CELF5: variants seen among roughly 807,000 people sequenced by gnomAD.
CELF5 encodes CUG-BP and ETR-3 like factor 5.
Under a neutral mutation model 54.9 loss-of-function variants are expected in CELF5, and 6 were observed. That is an observed-to-expected ratio of 0.11 (90% CI 0.06 to 0.22). CELF5 has a LOEUF of 0.22. CELF5 is among the 10% of genes least tolerant of loss of function. CELF5 has a pLI of 1.00. For missense variants in CELF5, 401 were observed against 678.6 expected (o/e 0.59, Z 4.54); for synonymous variants, 271 against 290.9 (o/e 0.93, Z 0.70).
At chr19:3,277,606 C>T (rs1248058119) in intron 4 of CELF5, among the ~76,000 whole-genome samples, 1 of 152,098 alleles carries the variant, frequency 6.6e-6, no homozygotes, top group Non-Finnish European at 1.5e-5. Flanking sequence ...AACATTCCAC[C>T]CCCTCCCTCC....
rs567563669 is a variant in CELF5, at chr19:3,251,190, A to G, written c.342+123A>G. 8.4e-5 allele frequency: 59 copies of G among 706,142 alleles called. No homozygotes were observed. The South Asian group carries it at 9.4e-4, about 11-fold the overall frequency. 43.7% of individuals were successfully genotyped at this position (706,142 alleles called of 1,614,324 possible). ...TGTGTCTCGGGACTCAGAAAGAGGT[A>G]TGAGGAGCAGAGGTATAGAAATCAT... On this transcript the variant is annotated intron_variant, in intron 2 of 12. Coordinates refer to ENST00000292672, the MANE Select transcript of CELF5 (RefSeq NM_021938.4).
chr19:3,236,643 G>A (rs1286519762), intron 1 of CELF5, among the ~76,000 whole-genome samples: 1 of 152,212 alleles, frequency 6.6e-6, no homozygotes, highest in African/African-American at 2.4e-5. Context: ...TAGGTGCTCA[G>A]GAATATTGAA....
intron 11 of CELF5, among the ~76,000 whole-genome samples, chr19:3,290,602 C>T (rs1292239557): frequency 1.4e-5 from 2 of 147,940 alleles, no homozygotes; most frequent in African/African-American, 2.5e-5. Flanking sequence ...CTCGCTCTGT[C>T]GCCCAGGCTG....
intron 1 of CELF5, among the ~76,000 whole-genome samples, chr19:3,240,655 T>C (rs4807429): frequency 0.15 from 23,261 of 151,628 alleles, 2,036 homozygotes; most frequent in East Asian, 0.24. Context: ...AAGCCTATGT[T>C]CCACACACCA....
chr19:3,248,918 C>CT (rs1568337919), intron 1 of CELF5, among the ~76,000 whole-genome samples: 2 of 139,466 alleles, frequency 1.4e-5, no homozygotes, highest in African/African-American at 2.8e-5. Context: ...TTCTTTCTTT[C>CT]TTTCTTTCTT....
At chr19:3,289,720 C>T (rs167519) in intron 10 of CELF5, among the ~76,000 whole-genome samples, 22,531 of 111,646 alleles carry the variant, frequency 0.2, 2,780 homozygotes, top group African/African-American at 0.38. Flanking sequence ...AAAAAATTAG[C>T]AACGCATGGT....
At chr19:3,250,095 C>T (rs1036113899) in intron 1 of CELF5, among the ~76,000 whole-genome samples, 4 of 152,210 alleles carry the variant, frequency 2.6e-5, no homozygotes, top group African/African-American at 7.2e-5. Flanking sequence ...CGACTGTCCC[C>T]TCCCAAAACA....
intron 2 of CELF5, among the ~76,000 whole-genome samples, chr19:3,251,798 C>A (rs1345370808): frequency 4.0e-5 from 6 of 151,732 alleles, no homozygotes; most frequent in Admixed American, 3.9e-4. Flanking sequence ...CCTCAGCCTC[C>A]CAAGTAGCTG....
intron 4 of CELF5, among the ~76,000 whole-genome samples, chr19:3,276,903 G>A (rs982275905): frequency 6.6e-6 from 1 of 152,118 alleles, no homozygotes; most frequent in African/African-American, 2.4e-5. Context: ...GCTTCTCCAC[G>A]GACAGAGTTA....
At chr19:3,293,149 G>A (rs2080378728) in intron 11 of CELF5, among the ~76,000 whole-genome samples, 170 bp from the exon 12 acceptor site, 1 of 152,168 alleles carries the variant, frequency 6.6e-6, no homozygotes, top group Non-Finnish European at 1.5e-5. Flanking sequence ...AGAGGTGTCA[G>A]AACAAAGCCA....
chr19:3,236,732 C>T (rs569505439), intron 1 of CELF5, among the ~76,000 whole-genome samples: 7 of 152,242 alleles, frequency 4.6e-5, no homozygotes, highest in African/African-American at 1.4e-4. Context: ...CGCCTACAAT[C>T]CCAGCACTTT....
At chr19:3,244,983 T>C (rs557073076) in intron 1 of CELF5, among the ~76,000 whole-genome samples, 2,012 of 148,866 alleles carry the variant, frequency 0.014, 21 homozygotes, top group South Asian at 0.027. Flanking sequence ...TGTGTGCATG[T>C]GTGGTGTGTA....
At chr19:3,241,464 G>A (rs893995870) in intron 1 of CELF5, among the ~76,000 whole-genome samples, 10 of 151,992 alleles carry the variant, frequency 6.6e-5, no homozygotes, top group Non-Finnish European at 1.2e-4. Flanking sequence ...TTGATCCCAG[G>A]TGGGACTTCC....
Position 3,281,428 on chromosome 19 carries a change from C to T in CELF5, c.750+83C>T, listed in dbSNP as rs2080151158. 2 of 1,454,592 alleles carry T rather than the reference C, an allele frequency of 1.4e-6. No individual in the cohort carries two copies. Among genetic ancestry groups the T allele is most frequent in the Non-Finnish European group, 1.9e-6 (2 of 1,069,824 alleles). 90.1% of individuals were successfully genotyped at this position (1,454,592 alleles called of 1,614,324 possible). On this transcript the variant is annotated intron_variant, in intron 6 of 12. Transcript: ENST00000292672. This position sits in a 1 kb window ranked among gnomAD's most constrained non-coding sequence, Gnocchi z 6.5. ...ACTCTCTGTCGGGCTCCTGCCTCTC[C>T]CTCCATCTCCCTGACTCAGGGTCCT...
chr19:3,255,332 G>A (rs2079709323), intron 2 of CELF5, among the ~76,000 whole-genome samples: 1 of 152,160 alleles, frequency 6.6e-6, no homozygotes. Context: ...TTACAGGCAT[G>A]AGCCACCACG....
At chr19:3,246,279 G>A (rs1036668632) in intron 1 of CELF5, among the ~76,000 whole-genome samples, 8 of 151,712 alleles carry the variant, frequency 5.3e-5, no homozygotes, top group South Asian at 2.1e-4. Context: ...CAGGAGAATC[G>A]CTTGAACCCA....
chr19:3,247,766 AT>A (rs1046855396), intron 1 of CELF5, among the ~76,000 whole-genome samples: 5 of 151,602 alleles, frequency 3.3e-5, no homozygotes, highest in South Asian at 4.2e-4. Context: ...CCGTTAAAAA[AT>A]TTTTTTTTAA....
intron 10 of CELF5, among the ~76,000 whole-genome samples, chr19:3,287,596 CGAG>C (rs1302252939): frequency 2.0e-5 from 3 of 150,710 alleles, no homozygotes; most frequent in Admixed American, 1.3e-4. Flanking sequence ...AAAATAAAAA[CGAG>C]GAAAGCTGGC....
At chr19:3,293,168 G>A in intron 11 of CELF5, 151 bp from the exon 12 acceptor site, 1 of 994,608 alleles carries the variant, frequency 1.0e-6, no homozygotes, top group South Asian at 1.6e-5. Flanking sequence ...CAGGGCTGCT[G>A]TGTGTCCTCC....
Sources: gnomAD v4.1 joint callset for allele counts (sites outside exome capture counted in the v4.1 genomes callset) on GRCh38, gnomAD v4.1.1 for gene constraint, Gnocchi (gnomAD v3.1) non-coding constraint, MANE v1.5 for transcripts, NCBI Gene and HGNC (gene_info 2026-07-23, HGNC 2026-07-21) for gene names.